The following STK32A variants were observed in gnomAD, a reference collection of about 807,000 sequenced individuals.
STK32A encodes the protein serine/threonine-protein kinase 32A.
In STK32A, 41 loss-of-function variants were observed where a neutral mutation model predicts 53.2. The ratio of observed to expected loss-of-function variants is 0.77; its 90% confidence interval spans 0.60 to 1.00. STK32A has a LOEUF of 1.00. Ranked by LOEUF, STK32A falls within the 50% of genes least tolerant of loss-of-function variation. STK32A has a pLI of 0.00. For synonymous variants in STK32A, 166 were observed against 162.8 expected (o/e 1.02, Z -0.15); for missense variants, 458 against 485.8 (o/e 0.94, Z 0.54).
chr5:147,381,178 A>G (rs10476887), intron 11 of STK32A, among the ~76,000 whole-genome samples: 4,768 of 152,098 alleles, frequency 0.031, 251 homozygotes, highest in African/African-American at 0.11. Flanking sequence ...CAGATAGAGG[A>G]CCCTTGGTTG....
intron 4 of STK32A, among the ~76,000 whole-genome samples, chr5:147,291,619 A>T (rs917991026): frequency 1.1e-4 from 16 of 152,172 alleles, no homozygotes; most frequent in Admixed American, 8.5e-4. Context: ...TCAACTAAAA[A>T]CATCATGAAG....
intron 2 of STK32A, among the ~76,000 whole-genome samples, chr5:147,274,220 GAGGCACTTAAGGA>G (rs1483336622): frequency 6.6e-6 from 1 of 152,186 alleles, no homozygotes; most frequent in Non-Finnish European, 1.5e-5. Flanking sequence ...AAGCAGGACT[GAGGCACTTAAGGA>G]AGGCCTCAGA....
chr5:147,392,876 G>A, the STK32A span: 1 of 152,156 alleles, frequency 6.6e-6, no homozygotes, highest in African/African-American at 2.4e-5. Flanking sequence ...ACTGACTTTG[G>A]CTTTCCCAGT....
Position 147,354,889 on chromosome 5 carries a change from G to A in STK32A, c.562+3735G>A, listed in dbSNP as rs181408587. 3.2e-3 allele frequency among the ~76,000 whole-genome samples: 492 copies of A among 152,278 alleles called. 1 individual carries two copies. Among genetic ancestry groups the A allele is most frequent in the South Asian group, 5.8e-3 (28 of 4,822 alleles). ...TTAGTTAGGCTAACATATTCGAAATGTTTCTTGCCTTATTCCAAAATGATT... is the reference window on the plus strand; with the variant it reads ...TTAGTTAGGCTAACATATTCGAAATATTTCTTGCCTTATTCCAAAATGATT... On this transcript the variant is annotated intron_variant, in intron 7 of 12. Coordinates refer to ENST00000397936, the MANE Select transcript of STK32A (RefSeq NM_001112724.2).
chr5:147,343,890 A>C (rs1755559696), intron 6 of STK32A, among the ~76,000 whole-genome samples: 1 of 152,238 alleles, frequency 6.6e-6, no homozygotes, highest in African/African-American at 2.4e-5. Flanking sequence ...ATATGGCAAT[A>C]ATCAAGATGG....
At chr5:147,319,927 G>T (rs775988739) in intron 4 of STK32A, among the ~76,000 whole-genome samples, 2 of 152,140 alleles carry the variant, frequency 1.3e-5, no homozygotes, top group South Asian at 4.1e-4. Context: ...TAGGAAGTAG[G>T]TTCCCCTACT....
chr5:147,384,254 A>C lies in STK32A; in HGVS notation c.*271A>C, dbSNP rs2152009491. On this transcript the variant is annotated 3_prime_UTR_variant, in exon 13 of 13. Coordinates refer to ENST00000397936, the MANE Select transcript of STK32A (RefSeq NM_001112724.2). ...TATTTATCTAAAATGAGAGGGTTAT[A>C]CTAGACGAGCCATACCCTGCCTTTT... 2 of 1,341,600 alleles carry C rather than the reference A, an allele frequency of 1.5e-6. No individual in the cohort carries two copies. The highest frequency in any genetic ancestry group is 3.4e-5 in the South Asian group (2 of 58,618). 83.1% of individuals were successfully genotyped at this position (1,341,600 alleles called of 1,614,324 possible).
intron 2 of STK32A, among the ~76,000 whole-genome samples, chr5:147,244,071 C>T (rs891249510): frequency 2.0e-5 from 3 of 152,064 alleles, no homozygotes; most frequent in African/African-American, 4.8e-5. Context: ...CTGTTAACAA[C>T]CATTTGACTT....
chr5:147,267,917 A>G (rs905978037), intron 2 of STK32A, among the ~76,000 whole-genome samples: 5 of 152,194 alleles, frequency 3.3e-5, no homozygotes. Flanking sequence ...TAAAGTAGGA[A>G]GAGATTTCTC....
intron 4 of STK32A, among the ~76,000 whole-genome samples, chr5:147,314,741 T>TTTTC (rs1038747135): frequency 3.1e-4 from 23 of 73,796 alleles, no homozygotes; most frequent in East Asian, 2.9e-3. Context: ...TTTCTTTTTC[T>TTTTC]TTTTTTTTTT....
chr5:147,390,503 A>G (rs1730887476), downstream of STK32A, among the ~76,000 whole-genome samples: 2 of 151,722 alleles, frequency 1.3e-5, no homozygotes, highest in South Asian at 2.1e-4. Flanking sequence ...AACCCAAAAC[A>G]AAAAGCTTTA....
At chr5:147,373,873 AG>A (rs1164484252) in intron 10 of STK32A, among the ~76,000 whole-genome samples, 1 of 152,210 alleles carries the variant, frequency 6.6e-6, no homozygotes, top group Non-Finnish European at 1.5e-5. Context: ...AGAGTCCAGA[AG>A]CTTAGGCCAA....
chr5:147,330,656 T>A (rs11954789), intron 5 of STK32A, among the ~76,000 whole-genome samples: 46,643 of 152,102 alleles, frequency 0.31, 8,721 homozygotes, highest in African/African-American at 0.53. Context: ...AAGTGATCAG[T>A]AATGATTCTT....
intron 4 of STK32A, among the ~76,000 whole-genome samples, chr5:147,293,654 A>G (rs1308073307): frequency 1.3e-5 from 2 of 152,058 alleles, no homozygotes; most frequent in Admixed American, 1.3e-4. Flanking sequence ...AAAAGCAAAA[A>G]CTTTTACTAT....
chr5:147,325,613 A>G (rs1336160750), intron 5 of STK32A, among the ~76,000 whole-genome samples: 1 of 152,126 alleles, frequency 6.6e-6, no homozygotes, highest in Non-Finnish European at 1.5e-5. Context: ...CCTTCTTTGG[A>G]AGGGCCTGCT....
the STK32A span, chr5:147,393,833 G>A: frequency 6.7e-6 from 4 of 598,230 alleles, no homozygotes; most frequent in African/African-American, 1.9e-5. Flanking sequence ...AACAAATCAA[G>A]GCTATGCATA....
At chr5:147,327,349 T>A (rs1453541073) in intron 5 of STK32A, among the ~76,000 whole-genome samples, 1 of 152,160 alleles carries the variant, frequency 6.6e-6, no homozygotes, top group Non-Finnish European at 1.5e-5. Context: ...TTTAGTTACT[T>A]AGAAAGATTA....
chr5:147,371,378 T>C (rs1334732107), intron 9 of STK32A, among the ~76,000 whole-genome samples: 1 of 152,228 alleles, frequency 6.6e-6, no homozygotes. Flanking sequence ...TTTGGACTTT[T>C]GGACTTTTGT....
At chr5:147,352,054 A>G (rs1253881142) in intron 7 of STK32A, among the ~76,000 whole-genome samples, 1 of 152,112 alleles carries the variant, frequency 6.6e-6, no homozygotes, top group Non-Finnish European at 1.5e-5. Flanking sequence ...GTTTAAAGAT[A>G]AGGAAATTCT....
Sources: gnomAD v4.1 joint callset for allele counts (sites outside exome capture counted in the v4.1 genomes callset) on GRCh38, gnomAD v4.1.1 for gene constraint, MANE v1.5 for transcripts, NCBI Gene and HGNC (gene_info 2026-07-23, HGNC 2026-07-21) for gene names.